Variants in DUSP22 observed in about 807,000 individuals in gnomAD.
DUSP22 encodes the protein dual specificity protein phosphatase 22.
In DUSP22, 24 loss-of-function variants were observed where a neutral mutation model predicts 24.5. The ratio of observed to expected loss-of-function variants is 0.98; its 90% CI spans 0.71 to 1.38. The LOEUF (loss-of-function observed/expected upper bound fraction) is 1.38, where lower values mean the gene tolerates loss of function less well. Among genes scored for constraint, DUSP22 ranks in the 40% most tolerant of loss-of-function variants. The pLI, the probability that DUSP22 is intolerant of heterozygous loss-of-function variation, is 0.00. For missense variants in DUSP22, 330 were observed against 269.2 expected (o/e 1.23, Z -1.58); for synonymous variants, 160 against 106.4 (o/e 1.50, Z -3.10).
chr6:309,810 G>T (rs1270503519), intron 2 of DUSP22, among the ~76,000 whole-genome samples: 2 of 152,272 alleles, frequency 1.3e-5, no homozygotes, highest in African/African-American at 2.4e-5. Context: ...CCATGTGTTT[G>T]TCTCTGCATT....
chr6:321,978 G>C (rs1192497743), intron 3 of DUSP22, among the ~76,000 whole-genome samples: 3 of 152,306 alleles, frequency 2.0e-5, no homozygotes, highest in Non-Finnish European at 4.4e-5. Flanking sequence ...TTCATCACTG[G>C]ATAGAAATAC....
chr6:309,069 C>A (rs894441223), intron 2 of DUSP22, among the ~76,000 whole-genome samples: 5 of 152,418 alleles, frequency 3.3e-5, no homozygotes, highest in African/African-American at 1.2e-4. Context: ...TGGGAACTGG[C>A]TGCCTGTGGC....
chr6:348,021 A>C, intron 5 of DUSP22, 82 bp from the exon 6 acceptor site: 2 of 1,570,476 alleles, frequency 1.3e-6, no homozygotes, highest in Non-Finnish European at 1.7e-6. Context: ...AGGTCCTTAG[A>C]GTCCCCCGCT....
At chr6:316,251 C>G (rs1758330646) in intron 3 of DUSP22, among the ~76,000 whole-genome samples, 1 of 152,306 alleles carries the variant, frequency 6.6e-6, no homozygotes, top group East Asian at 1.9e-4. Flanking sequence ...CAAGGGTCTT[C>G]CTGCCAGCCA....
chr6:327,578 TGAGA>T (rs1323862603), intron 3 of DUSP22, among the ~76,000 whole-genome samples: 2 of 152,304 alleles, frequency 1.3e-5, no homozygotes, highest in African/African-American at 4.8e-5. Flanking sequence ...TGGGGTCTAG[TGAGA>T]GAGACTGGCC....
intron 3 of DUSP22, among the ~76,000 whole-genome samples, chr6:319,312 G>A (rs1339164630): frequency 1.3e-5 from 2 of 152,298 alleles, no homozygotes; most frequent in Non-Finnish European, 2.9e-5. Context: ...AAGGTGATCT[G>A]TGTTTGGCTG....
chr6:344,608 T>C (rs111463208), intron 4 of DUSP22, among the ~76,000 whole-genome samples: 352 of 152,294 alleles, frequency 2.3e-3, no homozygotes, highest in Non-Finnish European at 4.3e-3. Context: ...ACTTCAGAGT[T>C]TGCAGAGCAT....
At chr6:345,752 A>T in intron 4 of DUSP22, 102 bp from the exon 5 acceptor site, 1 of 1,424,698 alleles carries the variant, frequency 7.0e-7, no homozygotes, top group Non-Finnish European at 9.6e-7. Context: ...TATACAAAAA[A>T]ATCAATTAAC....
intron 3 of DUSP22, among the ~76,000 whole-genome samples, chr6:331,870 T>C (rs1759154832): frequency 6.6e-6 from 1 of 152,306 alleles, no homozygotes; most frequent in African/African-American, 2.4e-5. Flanking sequence ...TGAGTTTGCA[T>C]ATTCTTATTG....
chr6:335,280 C>T, intron 4 of DUSP22, 117 bp downstream of exon 4: 1 of 1,338,772 alleles, frequency 7.5e-7, no homozygotes, highest in Non-Finnish European at 1.1e-6. Context: ...CTTGCTGACC[C>T]TGCCAGGGAA....
At chr6:327,364 G>A (rs1251781905) in intron 3 of DUSP22, among the ~76,000 whole-genome samples, 2 of 152,308 alleles carry the variant, frequency 1.3e-5, no homozygotes, top group South Asian at 2.1e-4. Flanking sequence ...CGCACTGGAC[G>A]GTGACTCCAG....
intron 3 of DUSP22, among the ~76,000 whole-genome samples, chr6:333,850 G>A (rs1037535529): frequency 2.6e-4 from 39 of 152,390 alleles, no homozygotes; most frequent in African/African-American, 9.4e-4. Context: ...AGGGCCAGGT[G>A]GGGAGTCCCT....
chr6:304,621 C>T lies in DUSP22; in HGVS notation c.22-7C>T, dbSNP rs781191751. The T allele has an allele frequency of 9.9e-6, 16 of 1,614,142 alleles. No homozygotes were observed. Among genetic ancestry groups the T allele is most frequent in the Non-Finnish European group, 1.3e-5 (15 of 1,180,026 alleles). ...CATGCTCATGTCTGTGTCTGTCTCT[C>T]TCCTAGATCCTGCCCGGCCTGTACA... On this transcript the variant is annotated splice_polypyrimidine_tract_variant and splice_region_variant and intron_variant, in intron 1 of 6. Transcript: ENST00000419235.
chr6:340,162 C>T (rs573750808), intron 4 of DUSP22, among the ~76,000 whole-genome samples: 240 of 152,360 alleles, frequency 1.6e-3, no homozygotes, highest in African/African-American at 5.5e-3. Context: ...CTTATCTGGC[C>T]AAATGAAAAG....
At chr6:324,543 C>G (rs1436468767) in intron 3 of DUSP22, among the ~76,000 whole-genome samples, 1 of 152,302 alleles carries the variant, frequency 6.6e-6, no homozygotes, top group African/African-American at 2.4e-5. Context: ...ACTCTCCCAC[C>G]CCGTGGACGT....
At chr6:326,143 C>T (rs58281085) in intron 3 of DUSP22, 91 of 182,968 alleles carry the variant, frequency 5.0e-4, no homozygotes, top group African/African-American at 2.4e-3. Context: ...CGTCTTCCCT[C>T]GGCTTCTGTG....
At chr6:346,667 G>A (rs959571733) in intron 5 of DUSP22, among the ~76,000 whole-genome samples, 9 of 152,302 alleles carry the variant, frequency 5.9e-5, no homozygotes, top group South Asian at 2.1e-4. Context: ...GTGCTAGGCC[G>A]GACATGTCCC....
intron 2 of DUSP22, among the ~76,000 whole-genome samples, chr6:306,163 A>G (rs887978388): frequency 6.6e-6 from 1 of 152,308 alleles, no homozygotes; most frequent in Non-Finnish European, 1.5e-5. Context: ...CGTCAGAGTT[A>G]TTTAGTGAGT....
chr6:328,129 T>C (rs939349462), intron 3 of DUSP22, among the ~76,000 whole-genome samples: 1 of 152,308 alleles, frequency 6.6e-6, no homozygotes, highest in Non-Finnish European at 1.5e-5. Flanking sequence ...CTTTCACTCA[T>C]GGCAGTTTTT....
Sources: gnomAD v4.1 joint callset for allele counts (sites outside exome capture counted in the v4.1 genomes callset) on GRCh38, gnomAD v4.1.1 for gene constraint, MANE v1.5 for transcripts, NCBI Gene and HGNC (gene_info 2026-07-23, HGNC 2026-07-21) for gene names.